The following SIPA1L3 variants were observed in gnomAD, a reference collection of about 807,000 sequenced individuals.
SIPA1L3 encodes the protein signal induced proliferation associated 1 like 3, also known as signal-induced proliferation-associated 1-like protein 3.
SIPA1L3 carries 59 observed loss-of-function variants against 150.1 expected under a neutral mutation model. The observed-to-expected ratio is 0.39, with a 90% confidence interval of 0.32 to 0.49. The LOEUF is 0.49. SIPA1L3 is among the 20% of genes least tolerant of loss of function. The pLI, the probability that SIPA1L3 is intolerant of heterozygous loss-of-function variation, is 0.86. For synonymous variants in SIPA1L3, 1,070 were observed against 1,077.6 expected, an observed-to-expected ratio of 0.99 and a Z score of 0.14; for missense variants, 2,211 against 2,489.5, an observed-to-expected ratio of 0.89 and a Z score of 2.38.
At chr19:38,092,919 G>T (rs114690665) in intron 4 of SIPA1L3, among the ~76,000 whole-genome samples, 1 of 150,026 alleles carries the variant, frequency 6.7e-6, no homozygotes, top group Admixed American at 6.7e-5. Flanking sequence ...GAGGGCAGTG[G>T]CGTGATCTCT....
At chr19:37,949,910 C>G (rs1404632998) in intron 1 of SIPA1L3, among the ~76,000 whole-genome samples, 1 of 151,896 alleles carries the variant, frequency 6.6e-6, no homozygotes, top group Non-Finnish European at 1.5e-5. Flanking sequence ...AACCCTGTCT[C>G]TACTAAAAAT....
Position 38,164,748 on chromosome 19 carries a change from C to T in SIPA1L3, c.4050C>T (p.Ala1350=), listed in dbSNP as rs769948766. 15 of 1,612,962 alleles carry T rather than the reference C, an allele frequency of 9.3e-6. No individual in the cohort carries two copies. Among genetic ancestry groups the T allele is most frequent in the Admixed American group, 8.3e-5 (5 of 59,904 alleles). ...GCCTTTGTGGCGGGGGTCGCGAGGC[C>T]GCTGGGAGGTCCCACCACGCAGACA... is the stretch of plus-strand genomic sequence containing the variant. ...SMGLCGGGRE[A]AGRSHHADRR... is the part of the protein sequence containing the mutation. Residue 1350 remains alanine, a synonymous_variant, in exon 15 of 22, where the codon GCC becomes GCT. Transcript: ENST00000222345. This position sits in a 1 kb window ranked among gnomAD's most constrained non-coding sequence, Gnocchi z 4.1.
intron 9 of SIPA1L3, among the ~76,000 whole-genome samples, chr19:38,123,871 A>C (rs867638618): frequency 1.1e-5 from 1 of 92,750 alleles, no homozygotes; most frequent in African/African-American, 6.5e-5. Flanking sequence ...CCTCCCGGAC[A>C]GGGCGGCTGG....
intron 2 of SIPA1L3, among the ~76,000 whole-genome samples, chr19:38,033,077 T>C (rs1332744063): frequency 6.6e-6 from 1 of 152,186 alleles, no homozygotes; most frequent in African/African-American, 2.4e-5. Flanking sequence ...GAGATCACAG[T>C]CAAATCATCT....
At chr19:37,949,473 C>CT (rs1448221719) in intron 1 of SIPA1L3, among the ~76,000 whole-genome samples, 1 of 152,138 alleles carries the variant, frequency 6.6e-6, no homozygotes, top group Non-Finnish European at 1.5e-5. Context: ...CAAGACCAGC[C>CT]TGGCCAACAT....
At chr19:38,201,312 G>C (rs570430084) in intron 19 of SIPA1L3, among the ~76,000 whole-genome samples, 1 of 152,344 alleles carries the variant, frequency 6.6e-6, no homozygotes, top group Non-Finnish European at 1.5e-5. Flanking sequence ...GTCCAAGGCG[G>C]GACCCAGGAA....
Position 38,082,324 on chromosome 19 carries a change from C to T in SIPA1L3, c.759C>T (p.Gly253=), listed in dbSNP as rs1169786424. The change falls in exon 3 of 22, where the codon GGC becomes GGT. Residue 253 remains glycine, a synonymous_variant. Transcript: ENST00000222345. ...RADPGPHLMG[G]GGGAKGDSHN... ...ATCCTGGCCCACACCTCATGGGGGG[C>T]GGCGGCGGAGCCAAGGGGGACTCCC... is the stretch of plus-strand genomic sequence containing the variant. 1.3e-5 allele frequency: 21 copies of T among 1,598,018 alleles called. No individual in the cohort carries two copies. Among genetic ancestry groups the T allele is most frequent in the Non-Finnish European group, 1.8e-5 (21 of 1,178,662 alleles).
chr19:38,009,903 G>T (rs777276654), intron 1 of SIPA1L3, among the ~76,000 whole-genome samples: 4 of 152,194 alleles, frequency 2.6e-5, no homozygotes, highest in Admixed American at 6.5e-5. Context: ...AGGCTTTGGT[G>T]GGTTGGAGGA....
chr19:38,010,087 C>G (rs890782907), intron 1 of SIPA1L3, among the ~76,000 whole-genome samples: 3 of 152,156 alleles, frequency 2.0e-5, no homozygotes, highest in Non-Finnish European at 4.4e-5. Flanking sequence ...CCCTCTCCCT[C>G]CAGACCCCCT....
chr19:37,916,052 G>T (rs1026401990), intron 1 of SIPA1L3, among the ~76,000 whole-genome samples: 3 of 151,790 alleles, frequency 2.0e-5, no homozygotes, highest in Non-Finnish European at 4.4e-5. Flanking sequence ...TTTTGAGACA[G>T]TTCTCACTCT....
At chr19:37,909,818 G>T (rs1433697719) in intron 1 of SIPA1L3, among the ~76,000 whole-genome samples, 1 of 152,168 alleles carries the variant, frequency 6.6e-6, no homozygotes, top group Non-Finnish European at 1.5e-5. Flanking sequence ...GCTGGGAAGG[G>T]AATTTATTAG....
At chr19:38,015,304 T>G (rs1968206421) in intron 1 of SIPA1L3, among the ~76,000 whole-genome samples, 1 of 152,264 alleles carries the variant, frequency 6.6e-6, no homozygotes, top group South Asian at 2.1e-4. Flanking sequence ...ACCAATATTC[T>G]ACTTTTGACT....
At chr19:38,168,546 G>C (rs561321596) in intron 15 of SIPA1L3, among the ~76,000 whole-genome samples, 1 of 152,068 alleles carries the variant, frequency 6.6e-6, no homozygotes, top group African/African-American at 2.4e-5. Context: ...AGCCAAGAGA[G>C]TCTATACCAG....
At chr19:38,195,950 C>T (rs903293867) in intron 18 of SIPA1L3, among the ~76,000 whole-genome samples, 1 of 152,092 alleles carries the variant, frequency 6.6e-6, no homozygotes, top group South Asian at 2.1e-4. Context: ...TTTTCTCTGT[C>T]ACTGCTGTGA....
At chr19:38,021,280 T>C (rs1161641282) in intron 1 of SIPA1L3, among the ~76,000 whole-genome samples, 1 of 152,178 alleles carries the variant, frequency 6.6e-6, no homozygotes. Flanking sequence ...GGCGGTCCTT[T>C]GTGTCATATA....
intron 2 of SIPA1L3, among the ~76,000 whole-genome samples, chr19:38,071,342 A>T (rs530516669): frequency 3.7e-4 from 56 of 152,072 alleles, no homozygotes; most frequent in Non-Finnish European, 7.2e-4. Context: ...GCGGGAGTAC[A>T]GTGGCGTGAT....
intron 1 of SIPA1L3, among the ~76,000 whole-genome samples, chr19:37,915,675 C>T (rs1168067803): frequency 6.6e-6 from 1 of 152,104 alleles, no homozygotes; most frequent in Non-Finnish European, 1.5e-5. Flanking sequence ...AGCCATGCAC[C>T]CAGCTGGAAA....
At chr19:38,166,378 A>T (rs2145989228) in intron 15 of SIPA1L3, among the ~76,000 whole-genome samples, 1 of 150,232 alleles carries the variant, frequency 6.7e-6, no homozygotes, top group South Asian at 2.1e-4. Context: ...AATCGCTTGA[A>T]CCCAGGAGGC....
rs1972985210 is a variant in SIPA1L3 at position 38,197,447 on chromosome 19, T to G, written c.4841-942T>G. On this transcript the variant is annotated intron_variant, in intron 18 of 21. Coordinates refer to ENST00000222345, the MANE Select transcript of SIPA1L3 (RefSeq NM_015073.3). ...CAACTCCTGAGATGTCACAGGCCTC[T>G]CCTCTGCTCAGCGTGTCATACCTGA... 1.3e-5 allele frequency among the ~76,000 whole-genome samples: 2 copies of G among 151,954 alleles called. 1 individual carries two copies. Among genetic ancestry groups the G allele is most frequent in the South Asian group, 4.1e-4 (2 of 4,820 alleles).
Sources: gnomAD v4.1 joint callset for allele counts (sites outside exome capture counted in the v4.1 genomes callset) on GRCh38, gnomAD v4.1.1 for gene constraint, Gnocchi (gnomAD v3.1) non-coding constraint, MANE v1.5 for transcripts, NCBI Gene and HGNC (gene_info 2026-07-23, HGNC 2026-07-21) for gene names.